The following GAS2 variants were observed in gnomAD, a reference collection of about 807,000 sequenced individuals.
GAS2 encodes growth arrest-specific protein 2.
A neutral mutation model predicts 37.5 loss-of-function variants in GAS2; 20 were observed. The ratio of observed to expected loss-of-function variants is 0.53; its 90% CI spans 0.37 to 0.77. The LOEUF (loss-of-function observed/expected upper bound fraction) is 0.77. Ranked by LOEUF, GAS2 falls within the 30% of genes least tolerant of loss-of-function variation. The pLI is 0.00. For missense variants in GAS2, 336 were observed against 373.4 expected (o/e 0.90, Z 0.82); for synonymous variants, 144 against 132.2 (o/e 1.09, Z -0.61).
At chr11:22,752,620 A>G (rs1418476082) in intron 6 of GAS2, among the ~76,000 whole-genome samples, 1 of 151,868 alleles carries the variant, frequency 6.6e-6, no homozygotes, top group Non-Finnish European at 1.5e-5. Context: ...TACTCTGGGA[A>G]AGCTATTATC....
rs192983672 is a variant in GAS2 at position 22,791,245 on chromosome 11, G to A, written c.724-20553G>A. Among the ~76,000 whole-genome samples, 57 of 152,222 alleles carry A rather than the reference G, an allele frequency of 3.7e-4. 1 individual carries two copies. The highest frequency in any genetic ancestry group is 7.5e-4 in the Non-Finnish European group (51 of 68,028). Reference sequence around the variant, plus strand: ...TTAAAGATCTAGAAAAGGTGTAGAGGGGATGGGGGTGTCTCTAAATGGAGA... The same window carrying A: ...TTAAAGATCTAGAAAAGGTGTAGAGAGGATGGGGGTGTCTCTAAATGGAGA... On this transcript the variant is annotated intron_variant, in intron 7 of 7. Coordinates refer to ENST00000454584, the MANE Select transcript of GAS2 (RefSeq NM_001143830.3).
Position 22,772,427 on chromosome 11 carries a change from G to T in GAS2, c.723+16474G>T, listed in dbSNP as rs185905570. Among the ~76,000 whole-genome samples, 302 of 152,098 alleles carry T rather than the reference G, an allele frequency of 2.0e-3. 1 individual carries two copies. Among genetic ancestry groups the T allele is most frequent in the Middle Eastern group, 3.4e-3 (1 of 294 alleles). ...CATCTTATAAAAGTATTGTTTTTTG[G>T]TTTTTGTTTTTTGTTTTACTTTTCA... On this transcript the variant is annotated intron_variant, in intron 7 of 7. Transcript: ENST00000454584.
chr11:22,728,991 T>G (rs774849339), intron 4 of GAS2, among the ~76,000 whole-genome samples: 3 of 151,372 alleles, frequency 2.0e-5, no homozygotes, highest in Non-Finnish European at 3.0e-5. Flanking sequence ...CTCTGCTTGA[T>G]GTCTTTTCAC....
intron 7 of GAS2, among the ~76,000 whole-genome samples, chr11:22,771,840 G>A (rs538796253): frequency 6.6e-6 from 1 of 152,194 alleles, no homozygotes; most frequent in South Asian, 2.1e-4. Flanking sequence ...ATACAAGAGG[G>A]TGTGCTATTT....
At chr11:22,637,066 TTAA>T (rs1395893145) in intron 1 of GAS2, among the ~76,000 whole-genome samples, 1 of 132,956 alleles carries the variant, frequency 7.5e-6, no homozygotes, top group African/African-American at 2.8e-5. Context: ...TATTATTATA[TTAA>T]TATTATATTA....
intron 2 of GAS2, among the ~76,000 whole-genome samples, chr11:22,680,577 A>G (rs1849632036): frequency 6.6e-6 from 1 of 152,170 alleles, no homozygotes; most frequent in African/African-American, 2.4e-5. Flanking sequence ...GGGATTAAAA[A>G]TATACCAACT....
At chr11:22,805,345 T>A (rs1449675212) in intron 7 of GAS2, among the ~76,000 whole-genome samples, 2 of 152,182 alleles carry the variant, frequency 1.3e-5, no homozygotes, top group Non-Finnish European at 2.9e-5. Context: ...ATGTATTACC[T>A]ACATAGTTAT....
At chr11:22,708,485 A>G (rs1272159368) in intron 3 of GAS2, among the ~76,000 whole-genome samples, 3 of 152,144 alleles carry the variant, frequency 2.0e-5, no homozygotes, top group Non-Finnish European at 4.4e-5. Context: ...AGTTGCTATT[A>G]TTATGCCATT....
chr11:22,812,020 A>C lies in GAS2; in HGVS notation c.*4A>C, dbSNP rs1203859401. On this transcript the variant is annotated 3_prime_UTR_variant, in exon 8 of 8. Transcript: ENST00000454584. ...GGCTAAGAAGGAAATTAAGTGAAAC[A>C]AATTGGTCATGACAAGGGGACCCTC... 2 of 1,611,540 alleles carry C rather than the reference A, an allele frequency of 1.2e-6. No individual in the cohort carries two copies. Among genetic ancestry groups the C allele is most frequent in the East Asian group, 4.5e-5 (2 of 44,852 alleles).
At chr11:22,706,424 A>G (rs1204379138) in intron 3 of GAS2, among the ~76,000 whole-genome samples, 1 of 151,906 alleles carries the variant, frequency 6.6e-6, no homozygotes, top group Non-Finnish European at 1.5e-5. Flanking sequence ...ACGCTGGTGC[A>G]CTGCACCCAC....
chr11:22,807,469 T>C (rs1339843678), intron 7 of GAS2, among the ~76,000 whole-genome samples: 1 of 152,232 alleles, frequency 6.6e-6, no homozygotes, highest in Non-Finnish European at 1.5e-5. Flanking sequence ...AAAATGTAGC[T>C]ATAAATTGTC....
At chr11:22,737,666 T>A in intron 4 of GAS2, 39 bp from the exon 5 acceptor site, 1 of 1,601,024 alleles carries the variant, frequency 6.2e-7, no homozygotes, top group Non-Finnish European at 8.6e-7. Context: ...TGCTTATTCC[T>A]TCTATTGTAA....
intron 3 of GAS2, 68 bp downstream of exon 3, chr11:22,685,857 G>C (rs1413223179): frequency 1.3e-6 from 2 of 1,487,340 alleles, no homozygotes; most frequent in Admixed American, 4.1e-5. Context: ...TATAAATTGT[G>C]TGTAATTAAA....
chr11:22,795,452 A>G (rs1856381526), intron 7 of GAS2, among the ~76,000 whole-genome samples: 1 of 152,134 alleles, frequency 6.6e-6, no homozygotes, highest in South Asian at 2.1e-4. Flanking sequence ...GGTGATTAGG[A>G]TAAGCCTCAT....
At chr11:22,797,179 C>T (rs745809161) in intron 7 of GAS2, among the ~76,000 whole-genome samples, 6 of 152,046 alleles carry the variant, frequency 3.9e-5, no homozygotes, top group Admixed American at 1.3e-4. Context: ...GAGGACTGAC[C>T]GGCAGTTGGC....
chr11:22,669,780 T>C (rs1849129736), intron 1 of GAS2, among the ~76,000 whole-genome samples: 3 of 152,186 alleles, frequency 2.0e-5, no homozygotes, highest in Admixed American at 6.5e-5. Context: ...GCTTTATGTT[T>C]GGTGCTTTTC....
intron 1 of GAS2, among the ~76,000 whole-genome samples, chr11:22,650,045 G>T (rs1358306840): frequency 1.3e-5 from 2 of 151,632 alleles, no homozygotes; most frequent in African/African-American, 4.8e-5. Flanking sequence ...GCTTTCTCTT[G>T]TGGGCATTTA....
intron 3 of GAS2, among the ~76,000 whole-genome samples, chr11:22,721,218 C>T (rs1851932841): frequency 6.6e-6 from 1 of 151,958 alleles, no homozygotes; most frequent in Non-Finnish European, 1.5e-5. Flanking sequence ...CCCAACCTCA[C>T]CATAACTTTC....
chr11:22,770,103 C>T (rs1854900074), intron 7 of GAS2, among the ~76,000 whole-genome samples: 1 of 152,068 alleles, frequency 6.6e-6, no homozygotes, highest in Non-Finnish European at 1.5e-5. Flanking sequence ...ACAATGAAAA[C>T]ATATGGACAA....
Sources: allele counts gnomAD v4.1 joint callset (sites outside exome capture counted in the v4.1 genomes callset), GRCh38; gene constraint gnomAD v4.1.1; transcripts MANE v1.5; gene names NCBI Gene and HGNC (gene_info 2026-07-23, HGNC 2026-07-21).